TBCK: variants seen among roughly 807,000 people sequenced by gnomAD.
TBCK encodes the protein TBC1 domain containing kinase.
A neutral mutation model predicts 113.4 loss-of-function variants in TBCK; 99 were observed. The observed-to-expected ratio is 0.87, with a 90% confidence interval of 0.74 to 1.03. The LOEUF is 1.03. Among genes scored for constraint, TBCK ranks in the 50% least tolerant of loss-of-function variants. The pLI is 0.00. For missense variants in TBCK, 1,045 were observed against 1,061.3 expected, an observed-to-expected ratio of 0.98 and a Z score of 0.21; for synonymous variants, 369 against 370.8, an observed-to-expected ratio of 1.00 and a Z score of 0.05.
intron 24 of TBCK, among the ~76,000 whole-genome samples, chr4:106,106,049 C>T (rs552825627): frequency 1.8e-4 from 27 of 151,358 alleles, no homozygotes; most frequent in Middle Eastern, 6.8e-3. Context: ...TCTCACAATT[C>T]GAAGACTGGT....
chr4:106,223,184 GA>G (rs1355795883), intron 19 of TBCK, among the ~76,000 whole-genome samples: 1 of 151,948 alleles, frequency 6.6e-6, no homozygotes, highest in Non-Finnish European at 1.5e-5. Flanking sequence ...AAAAGTAATG[GA>G]AAAAAACACA....
intron 19 of TBCK, among the ~76,000 whole-genome samples, chr4:106,214,809 G>C (rs1232042722): frequency 3.3e-5 from 5 of 151,938 alleles, no homozygotes; most frequent in Non-Finnish European, 7.4e-5. Flanking sequence ...TTATCCAGGA[G>C]AATTTCCCCA....
At chr4:106,056,202 C>G (rs1374202901) in intron 25 of TBCK, among the ~76,000 whole-genome samples, 1 of 151,210 alleles carries the variant, frequency 6.6e-6, no homozygotes, top group Non-Finnish European at 1.5e-5. Flanking sequence ...TTCTCTATCT[C>G]TGGTAACAGT....
intron 19 of TBCK, among the ~76,000 whole-genome samples, chr4:106,215,881 A>G (rs573150270): frequency 6.6e-6 from 1 of 151,972 alleles, no homozygotes; most frequent in African/African-American, 2.4e-5. Flanking sequence ...AGACATCTAC[A>G]GAACTCTCCA....
rs548325003 is a variant in TBCK at position 106,168,486 on chromosome 4, A to G, written c.2235+2609T>C. Among the ~76,000 whole-genome samples, 5 of 152,068 alleles carry G rather than the reference A, an allele frequency of 3.3e-5. No individual in the cohort carries two copies. The South Asian group carries it at 8.3e-4, about 25-fold the overall frequency. On this transcript the variant is annotated intron_variant, in intron 23 of 25. Coordinates refer to ENST00000394708, the MANE Select transcript of TBCK (RefSeq NM_001163435.3). ...TTTTTAACATTATATTAGATGTTGT[A>G]TCTAATGCAATAACACAAACAAAGA...
At chr4:106,202,694 T>C (rs571328453) in intron 20 of TBCK, among the ~76,000 whole-genome samples, 28 of 152,208 alleles carry the variant, frequency 1.8e-4, no homozygotes, top group African/African-American at 5.8e-4. Context: ...ACAAGTGATA[T>C]TGCAAATTGT....
In TBCK at chr4:106,044,339, T is replaced by C. The variant is rs1255575305; in HGVS notation, c.*2231A>G. The C allele has an allele frequency of 2.0e-5, 3 of 152,226 alleles. No individual in the cohort carries two copies. The highest frequency in any genetic ancestry group is 4.4e-5 in the Non-Finnish European group (3 of 68,032). The allele number at this position is 152,226 out of a possible 1,614,324, so 9.4% of individuals were successfully genotyped here. A position where few individuals can be genotyped will look rare whatever the true frequency, so the allele number is the denominator to read the frequency against. ...TAATTGCCAGGACAGGAGGATTTAA[T>C]ATTTCTCTGAAGAGGGTAGACAATG... On this transcript the variant is annotated 3_prime_UTR_variant, in exon 26 of 26. Coordinates refer to ENST00000394708, the MANE Select transcript of TBCK (RefSeq NM_001163435.3).
chr4:106,109,355 T>C (rs1742553156), intron 24 of TBCK, among the ~76,000 whole-genome samples: 1 of 152,052 alleles, frequency 6.6e-6, no homozygotes, highest in South Asian at 2.1e-4. Flanking sequence ...GGAGACATCA[T>C]GCTACCCAAC....
chr4:106,070,403 T>C (rs1052485472), intron 25 of TBCK, among the ~76,000 whole-genome samples: 2 of 152,206 alleles, frequency 1.3e-5, no homozygotes, highest in Admixed American at 6.5e-5. Flanking sequence ...GATAATCATG[T>C]GGTTTTTGTC....
chr4:106,215,051 G>A (rs564301842), intron 19 of TBCK, among the ~76,000 whole-genome samples: 114 of 150,208 alleles, frequency 7.6e-4, no homozygotes, highest in East Asian at 4.1e-3. Flanking sequence ...AGAGAGTGGG[G>A]GCCAATATTC....
intron 8 of TBCK, 48 bp from the exon 9 acceptor site, chr4:106,248,354 A>T (rs1357763555): frequency 7.9e-7 from 1 of 1,265,074 alleles, no homozygotes; most frequent in African/African-American, 1.5e-5. Flanking sequence ...TCAATTTTAG[A>T]AATATACTTT....
At chr4:106,212,376 A>G (rs190899358) in intron 20 of TBCK, among the ~76,000 whole-genome samples, 6 of 152,264 alleles carry the variant, frequency 3.9e-5, no homozygotes, top group African/African-American at 1.2e-4. Context: ...AATCTATCTA[A>G]GCTCCCAAAG....
intron 23 of TBCK, among the ~76,000 whole-genome samples, chr4:106,159,485 T>A (rs75091358): frequency 0.057 from 8,654 of 152,062 alleles, 505 homozygotes; most frequent in East Asian, 0.28. Flanking sequence ...TTCTATATAC[T>A]AACAATGAAC....
intron 23 of TBCK, among the ~76,000 whole-genome samples, chr4:106,124,097 A>G (rs1168971098): frequency 1.3e-5 from 2 of 151,396 alleles, no homozygotes; most frequent in Non-Finnish European, 3.0e-5. Flanking sequence ...TTCGCAACCT[A>G]CTCATCTGAC....
At chr4:106,220,598 A>G (rs1000227001) in intron 19 of TBCK, among the ~76,000 whole-genome samples, 3 of 151,824 alleles carry the variant, frequency 2.0e-5, no homozygotes, top group South Asian at 2.1e-4. Flanking sequence ...GTGAACTTTT[A>G]CCCATGCTGG....
At chr4:106,299,434 A>G (rs906003927) in intron 2 of TBCK, among the ~76,000 whole-genome samples, 1 of 152,244 alleles carries the variant, frequency 6.6e-6, no homozygotes, top group Non-Finnish European at 1.5e-5. Context: ...CTTCATATCT[A>G]TAAGAGATTT....
chr4:106,216,014 A>G (rs1198926097), intron 19 of TBCK, among the ~76,000 whole-genome samples: 1 of 149,166 alleles, frequency 6.7e-6, no homozygotes, highest in African/African-American at 2.4e-5. Context: ...ATAACAAACT[A>G]TCTCTCAGAC....
At chr4:106,243,415 T>C (rs1760400557) in intron 11 of TBCK, among the ~76,000 whole-genome samples, 1 of 152,128 alleles carries the variant, frequency 6.6e-6, no homozygotes, top group South Asian at 2.1e-4. Context: ...TAAAATTTGT[T>C]TACAATTTCA....
intron 25 of TBCK, among the ~76,000 whole-genome samples, chr4:106,050,543 GA>G (rs986266880): frequency 1.3e-5 from 2 of 152,026 alleles, no homozygotes; most frequent in African/African-American, 4.8e-5. Context: ...AGGGTGACTA[GA>G]AAAATCTCTA....
Sources: gnomAD v4.1 joint callset for allele counts (sites outside exome capture counted in the v4.1 genomes callset) on GRCh38, gnomAD v4.1.1 for gene constraint, MANE v1.5 for transcripts, NCBI Gene and HGNC (gene_info 2026-07-23, HGNC 2026-07-21) for gene names.